Variants in GMCL1 observed in about 807,000 individuals in gnomAD.
GMCL1 encodes germ cell-less protein-like 1.
Under a neutral mutation model 75.5 loss-of-function variants are expected in GMCL1, and 54 were observed. The observed-to-expected ratio is 0.71, with a 90% CI of 0.57 to 0.90. The LOEUF (loss-of-function observed/expected upper bound fraction) is 0.90. GMCL1 is among the 40% of genes least tolerant of loss of function. The pLI, the probability that GMCL1 is intolerant of heterozygous loss-of-function variation, is 0.00. For synonymous variants in GMCL1, 210 were observed against 209.6 expected (o/e 1.00, Z -0.02); for missense variants, 537 against 622.7 (o/e 0.86, Z 1.47).
In GMCL1 at chr2:69,880,215, T is replaced by C; in HGVS notation, c.*1211T>C. 6.6e-6 allele frequency: 1 copy of C among 152,296 alleles called. No homozygotes were observed. The highest frequency in any genetic ancestry group is 2.1e-4 in the South Asian group (1 of 4,830). The allele number at this position is 152,296 out of a possible 1,614,324, so 9.4% of individuals were successfully genotyped here. A position where few individuals can be genotyped will look rare whatever the true frequency, so the allele number is the denominator to read the frequency against. On this transcript the variant is annotated 3_prime_UTR_variant, in exon 14 of 14. Coordinates refer to ENST00000282570, the MANE Select transcript of GMCL1 (RefSeq NM_178439.5). The stretch of plus-strand genomic sequence containing the variant: ...ATTATGGTTTTTAAAATGGGAATCA[T>C]TTTTATGTATCTGTGCAAATAATAA...
rs1675254724 is a variant in GMCL1 at position 69,849,675 on chromosome 2, T to G, written c.867T>G (p.Pro289=). 1 of 1,586,836 alleles carries G rather than the reference T, an allele frequency of 6.3e-7. No homozygotes were observed. The highest frequency in any genetic ancestry group is 1.8e-5 in the Admixed American group (1 of 56,766). Residue 289 remains proline, a synonymous_variant, in exon 8 of 14, where the codon CCT becomes CCG. Coordinates refer to ENST00000282570, the MANE Select transcript of GMCL1 (RefSeq NM_178439.5). ...AGTGGATGTTCCTTCAACTTGTGCC[T>G]TCTTGGAATGGATCTTTAAAACAGC... ...LKKWMFLQLV[P]SWNGSLKQLL...
At chr2:69,859,347 T>C (rs1675573054) in intron 9 of GMCL1, among the ~76,000 whole-genome samples, 3 of 151,374 alleles carry the variant, frequency 2.0e-5, no homozygotes, top group Non-Finnish European at 4.4e-5. Flanking sequence ...ATGAATTTTT[T>C]TAAATATATG....
chr2:69,865,716 A>G (rs1675796295), intron 11 of GMCL1, among the ~76,000 whole-genome samples: 3 of 152,198 alleles, frequency 2.0e-5, no homozygotes, highest in African/African-American at 7.2e-5. Flanking sequence ...AAGTATTTAA[A>G]AACAATACTT....
chr2:69,831,294 T>C (rs987782602), intron 1 of GMCL1, among the ~76,000 whole-genome samples: 1 of 152,242 alleles, frequency 6.6e-6, no homozygotes, highest in Non-Finnish European at 1.5e-5. Context: ...AAAGGAATCA[T>C]AGATTAAAAA....
intron 4 of GMCL1, among the ~76,000 whole-genome samples, chr2:69,842,004 C>A (rs1256637173): frequency 6.6e-6 from 1 of 152,056 alleles, no homozygotes; most frequent in Non-Finnish European, 1.5e-5. Context: ...ATACACAGTA[C>A]CTTTGGAATA....
chr2:69,843,127 C>A, intron 4 of GMCL1, 22 bp from the exon 5 acceptor site: 1 of 1,391,906 alleles, frequency 7.2e-7, no homozygotes. Context: ...TGGGCCTTTC[C>A]AGTGCTTATT....
At chr2:69,848,444 C>T (rs1019213609) in intron 7 of GMCL1, among the ~76,000 whole-genome samples, 34 of 152,228 alleles carry the variant, frequency 2.2e-4, no homozygotes, top group African/African-American at 6.5e-4. Context: ...CAGTGGCTTA[C>T]GCCTGTAATC....
intron 11 of GMCL1, among the ~76,000 whole-genome samples, chr2:69,866,650 G>T (rs1395474234): frequency 6.6e-6 from 1 of 152,096 alleles, no homozygotes; most frequent in African/African-American, 2.4e-5. Flanking sequence ...TTTTTGTAGA[G>T]TTGGGGGTCT....
At chr2:69,846,392 G>A (rs1180926536) in intron 6 of GMCL1, among the ~76,000 whole-genome samples, 1 of 152,152 alleles carries the variant, frequency 6.6e-6, no homozygotes, top group Admixed American at 6.5e-5. Flanking sequence ...CATTTACATT[G>A]TATTAGGTAC....
intron 6 of GMCL1, chr2:69,845,073 C>G (rs760935018): frequency 6.4e-6 from 1 of 155,758 alleles, no homozygotes; most frequent in Non-Finnish European, 1.4e-5. Flanking sequence ...TCGAGATCAT[C>G]CTGGGCAACA....
At chr2:69,860,675 G>T (rs746019984) in intron 9 of GMCL1, among the ~76,000 whole-genome samples, 10 of 152,084 alleles carry the variant, frequency 6.6e-5, no homozygotes, top group Non-Finnish European at 1.5e-4. Flanking sequence ...AACGTTAAAC[G>T]CAAGAATATG....
Position 69,864,875 on chromosome 2 carries a change from G to A in GMCL1, c.1143-25G>A, listed in dbSNP as rs111934832. The A allele has an allele frequency of 2.3e-5, 33 of 1,439,742 alleles. No individual in the cohort carries two copies. The East Asian group carries it at 3.0e-4, about 13-fold the overall frequency. 89.2% of individuals were successfully genotyped at this position (1,439,742 alleles called of 1,614,324 possible). On this transcript the variant is annotated intron_variant, in intron 10 of 13. Transcript: ENST00000282570. Reference sequence around the variant, plus strand: ...TATTAGTTGCATATTTTCTATGAACGTTCATATTTTATGTATATTTTTAGG... The same window carrying A: ...TATTAGTTGCATATTTTCTATGAACATTCATATTTTATGTATATTTTTAGG...
At chr2:69,872,565 C>T (rs1282527891) in intron 13 of GMCL1, among the ~76,000 whole-genome samples, 2 of 152,214 alleles carry the variant, frequency 1.3e-5, no homozygotes, top group East Asian at 3.8e-4. Flanking sequence ...ACATCCTTAG[C>T]ATTGCAAGTA....
At position 69,879,900 on chromosome 2, in the gene GMCL1, C is replaced by G. The variant is rs1027587326; in HGVS notation, c.*896C>G. 9.9e-5 allele frequency: 15 copies of G among 152,074 alleles called. No homozygotes were observed. The highest frequency in any genetic ancestry group is 3.4e-4 in the African/African-American group (14 of 41,412). The allele number at this position is 152,074 out of a possible 1,614,324, so 9.4% of individuals were successfully genotyped here. Reference sequence around the variant, plus strand: ...TTTATGTTCAAATTTTAGTTGGGAACTTTGTTTCCTACTTAAGCTCAGGAC... The same window carrying G: ...TTTATGTTCAAATTTTAGTTGGGAAGTTTGTTTCCTACTTAAGCTCAGGAC... On this transcript the variant is annotated 3_prime_UTR_variant, in exon 14 of 14. Transcript: ENST00000282570.
At chr2:69,865,555 C>T (rs966734219) in intron 11 of GMCL1, among the ~76,000 whole-genome samples, 4 of 151,450 alleles carry the variant, frequency 2.6e-5, no homozygotes, top group African/African-American at 9.7e-5. Flanking sequence ...GGCTGAGGCA[C>T]GAGAATCACC....
intron 4 of GMCL1, among the ~76,000 whole-genome samples, chr2:69,842,220 T>C (rs1048437298): frequency 5.0e-4 from 76 of 152,150 alleles, no homozygotes; most frequent in African/African-American, 1.7e-3. Flanking sequence ...CTGGACTTGG[T>C]GATAGACTAA....
chr2:69,842,022 CA>C (rs1675002603), intron 4 of GMCL1, among the ~76,000 whole-genome samples: 1 of 152,106 alleles, frequency 6.6e-6, no homozygotes, highest in African/African-American at 2.4e-5. Context: ...ATATTTTAAT[CA>C]GGGGAAAGAC....
chr2:69,875,964 A>G (rs1676118959), intron 13 of GMCL1, among the ~76,000 whole-genome samples: 1 of 152,244 alleles, frequency 6.6e-6, no homozygotes, highest in Non-Finnish European at 1.5e-5. Context: ...TGCTGGGGTT[A>G]CAGGTGTAAG....
At position 69,869,675 on chromosome 2, in the gene GMCL1, T is replaced by C. The variant is rs200964699; in HGVS notation, c.1219-44T>C. Reference sequence around the variant, plus strand: ...TTTGAATTTTTTATTTTCTACTTGCTAATATGATAAACTGAAATAAGTCTT... The same window carrying C: ...TTTGAATTTTTTATTTTCTACTTGCCAATATGATAAACTGAAATAAGTCTT... On this transcript the variant is annotated intron_variant, in intron 11 of 13. Coordinates refer to ENST00000282570, the MANE Select transcript of GMCL1 (RefSeq NM_178439.5). 1.8e-4 allele frequency: 286 copies of C among 1,580,754 alleles called. No individual in the cohort carries two copies. In the African/African-American group the frequency reaches 3.2e-3, roughly 18 times the overall value.
Sources: gnomAD v4.1 joint callset for allele counts (sites outside exome capture counted in the v4.1 genomes callset) on GRCh38, gnomAD v4.1.1 for gene constraint, MANE v1.5 for transcripts, NCBI Gene and HGNC (gene_info 2026-07-23, HGNC 2026-07-21) for gene names.